The following ANKS6 variants were observed in gnomAD, a reference collection of about 807,000 sequenced individuals.
ANKS6 encodes ankyrin repeat and sterile alpha motif domain containing 6.
A neutral mutation model predicts 77.9 loss-of-function variants in ANKS6; 47 were observed. The ratio of observed to expected loss-of-function variants is 0.60; its 90% CI spans 0.48 to 0.77. ANKS6 has a LOEUF of 0.77. ANKS6 is among the 30% of genes least tolerant of loss of function. The pLI, the probability that ANKS6 is intolerant of heterozygous loss-of-function variation, is 0.00. For synonymous variants in ANKS6, 488 were observed against 501.7 expected (o/e 0.97, Z 0.37); for missense variants, 1,150 against 1,159.1 (o/e 0.99, Z 0.11).
Position 98,790,088 on chromosome 9 carries a change from G to A in ANKS6, c.862+16C>T. ...TTGGGGTCCTCTGTGAAGCCACGGG[G>A]GGCATGCAGCCTGACCTGTTTTGGG... On this transcript the variant is annotated intron_variant, in intron 2 of 14. Transcript: ENST00000353234. 3 of 1,539,494 alleles carry A rather than the reference G, an allele frequency of 1.9e-6. No homozygotes were observed. Among genetic ancestry groups the A allele is most frequent in the Non-Finnish European group, 2.6e-6 (3 of 1,137,096 alleles).
rs1834860399 is a variant in ANKS6, at chr9:98,790,718, G to A, written c.360-112C>T. On this transcript the variant is annotated intron_variant, in intron 1 of 14. Transcript: ENST00000353234. Reference sequence around the variant, plus strand: ...GTCCTGACAGCTGCTCATGATAAGAGGTCTTATTCTGGCGCCAGGCACTGT... The same window carrying A: ...GTCCTGACAGCTGCTCATGATAAGAAGTCTTATTCTGGCGCCAGGCACTGT... 2.8e-6 allele frequency: 4 copies of A among 1,409,644 alleles called. No homozygotes were observed. The Admixed American group carries it at 9.0e-5, about 32-fold the overall frequency. 87.3% of individuals were successfully genotyped at this position (1,409,644 alleles called of 1,614,324 possible).
chr9:98,795,375 C>T (rs1035008389), intron 1 of ANKS6, among the ~76,000 whole-genome samples: 1 of 151,948 alleles, frequency 6.6e-6, no homozygotes, highest in African/African-American at 2.4e-5. Context: ...CCTTCCATGA[C>T]TCCCTAGCAC....
At chr9:98,765,222 C>T (rs1833205539) in intron 11 of ANKS6, among the ~76,000 whole-genome samples, 1 of 152,082 alleles carries the variant, frequency 6.6e-6, no homozygotes, top group South Asian at 2.1e-4. Flanking sequence ...CAGCCAAAAG[C>T]AAAGAAACAT....
At chr9:98,761,926 T>C (rs1833035563) in intron 11 of ANKS6, among the ~76,000 whole-genome samples, 1 of 152,136 alleles carries the variant, frequency 6.6e-6, no homozygotes, top group Admixed American at 6.5e-5. Flanking sequence ...AGTTTCTAGA[T>C]CTCTACAAAA....
intron 13 of ANKS6, among the ~76,000 whole-genome samples, chr9:98,749,648 T>C (rs953197953): frequency 6.6e-6 from 1 of 152,090 alleles, no homozygotes; most frequent in African/African-American, 2.4e-5. Context: ...CAAGAAGGCA[T>C]AAACATATCA....
rs1450014109 is a variant in ANKS6 at position 98,732,696 on chromosome 9, C to T, written c.*3823G>A. On this transcript the variant is annotated 3_prime_UTR_variant, in exon 15 of 15. Coordinates refer to ENST00000353234, the MANE Select transcript of ANKS6 (RefSeq NM_173551.5). ...CTCACTTTCACATGATCCCTGGGGG[C>T]TACTATCCCCCTGTAACCAAAAGGG... 2.3e-5 allele frequency: 33 copies of T among 1,463,340 alleles called. No individual in the cohort carries two copies. Among genetic ancestry groups the T allele is most frequent in the Non-Finnish European group, 2.7e-5 (30 of 1,111,962 alleles). 90.6% of individuals were successfully genotyped at this position (1,463,340 alleles called of 1,614,324 possible). A position where few individuals can be genotyped will look rare whatever the true frequency, so the allele number is the denominator to read the frequency against.
chr9:98,784,083 TCGC>T lies in ANKS6; in HGVS notation c.979_981del (p.Ala327del). ...GTAACAGCTGCTAGCATCAGTGGCG[TCGC>T]CCCGTCCCCATTGACCAAGTTCACG... On this transcript the variant is annotated inframe_deletion, in exon 4 of 15. Coordinates refer to ENST00000353234, the MANE Select transcript of ANKS6 (RefSeq NM_173551.5). The T allele has an allele frequency of 6.2e-7, 1 of 1,606,390 alleles. No individual in the cohort carries two copies. Among genetic ancestry groups the T allele is most frequent in the Non-Finnish European group, 8.5e-7 (1 of 1,176,160 alleles).
chr9:98,751,003 T>C (rs1446324101), intron 13 of ANKS6, 26 bp downstream of exon 13: 2 of 1,579,294 alleles, frequency 1.3e-6, no homozygotes, highest in African/African-American at 1.4e-5. Context: ...AAGATTTAAA[T>C]TGACATTCAA....
chr9:98,754,300 C>T (rs187812279), intron 12 of ANKS6, among the ~76,000 whole-genome samples: 187 of 152,228 alleles, frequency 1.2e-3, no homozygotes, highest in Non-Finnish European at 1.7e-3. Flanking sequence ...GAAAAGCTCA[C>T]GTGTCCTTGA....
chr9:98,778,480 C>T, intron 6 of ANKS6, 56 bp from the exon 7 acceptor site: 1 of 1,562,002 alleles, frequency 6.4e-7, no homozygotes, highest in South Asian at 1.2e-5. Context: ...GGAGACCAGG[C>T]CCAGGACCTG....
At chr9:98,786,328 G>GC (rs1834563759) in intron 2 of ANKS6, among the ~76,000 whole-genome samples, 2 of 146,760 alleles carry the variant, frequency 1.4e-5, no homozygotes, top group Non-Finnish European at 3.0e-5. Context: ...GTCTTGCTGT[G>GC]TCTCCCAGGC....
chr9:98,748,833 T>C, intron 13 of ANKS6, among the ~76,000 whole-genome samples: 1 of 152,192 alleles, frequency 6.6e-6, no homozygotes, highest in East Asian at 1.9e-4. Context: ...AAGATGAAAA[T>C]TATTAGTCTG....
intron 10 of ANKS6, 123 bp downstream of exon 10, chr9:98,770,773 G>A (rs1006897985): frequency 9.2e-5 from 97 of 1,055,368 alleles, no homozygotes; most frequent in Admixed American, 1.3e-4. Flanking sequence ...GCCACATTAA[G>A]GAGAAAGTGC....
chr9:98,770,528 T>C (rs918336188), intron 10 of ANKS6, among the ~76,000 whole-genome samples: 2 of 152,140 alleles, frequency 1.3e-5, no homozygotes, highest in African/African-American at 2.4e-5. Flanking sequence ...CTCTTGCCCA[T>C]TGTGAACTTC....
At chr9:98,792,507 A>C (rs1834955898) in intron 1 of ANKS6, among the ~76,000 whole-genome samples, 2 of 152,238 alleles carry the variant, frequency 1.3e-5, no homozygotes, top group Non-Finnish European at 2.9e-5. Context: ...TGAATGCATA[A>C]ATGGCATAAC....
intron 2 of ANKS6, among the ~76,000 whole-genome samples, chr9:98,785,664 T>G (rs1427007681): frequency 2.0e-5 from 3 of 152,114 alleles, no homozygotes; most frequent in African/African-American, 7.2e-5. Flanking sequence ...GCTGGGGGGC[T>G]GAAGGCAGGC....
chr9:98,791,354 A>T lies in ANKS6; in HGVS notation c.360-748T>A, dbSNP rs1834895489. Among the ~76,000 whole-genome samples the T allele has an allele frequency of 6.6e-6, 1 of 152,162 alleles. No homozygotes were observed. Among genetic ancestry groups the T allele is most frequent in the Admixed American group, 6.5e-5 (1 of 15,284 alleles). Reference sequence around the variant, plus strand: ...AGGCCTGCTGCCACCTGCTGGCAGGAATGTTTGTTGCAGGCGGCTGAGGAC... The same window carrying T: ...AGGCCTGCTGCCACCTGCTGGCAGGTATGTTTGTTGCAGGCGGCTGAGGAC... On this transcript the variant is annotated intron_variant, in intron 1 of 14. Transcript: ENST00000353234. This position sits in a 1 kb window ranked among gnomAD's most constrained non-coding sequence, Gnocchi z 4.3.
At chr9:98,781,307 G>C (rs1470486746) in intron 5 of ANKS6, among the ~76,000 whole-genome samples, 1 of 152,204 alleles carries the variant, frequency 6.6e-6, no homozygotes, top group East Asian at 1.9e-4. Flanking sequence ...CCTAGGAATA[G>C]ACTGTTTTAT....
intron 8 of ANKS6, among the ~76,000 whole-genome samples, chr9:98,775,165 A>G (rs1161046198): frequency 6.6e-6 from 1 of 152,218 alleles, no homozygotes; most frequent in Non-Finnish European, 1.5e-5. Context: ...CAAATCCACC[A>G]CCACAAAAGG....
Sources: allele counts gnomAD v4.1 joint callset (sites outside exome capture counted in the v4.1 genomes callset), GRCh38; gene constraint gnomAD v4.1.1; non-coding constraint Gnocchi (gnomAD v3.1); transcripts MANE v1.5; gene names NCBI Gene and HGNC (gene_info 2026-07-23, HGNC 2026-07-21).